GTF2E1: variants seen among roughly 807,000 people sequenced by gnomAD.
GTF2E1 encodes the protein TFIIE alpha subunit.
A neutral mutation model predicts 34.9 loss-of-function variants in GTF2E1; 14 were observed. The observed-to-expected ratio is 0.40, with a 90% CI of 0.27 to 0.63. The LOEUF (loss-of-function observed/expected upper bound fraction) is 0.63, where lower values mean the gene tolerates loss of function less well. Among genes scored for constraint, GTF2E1 ranks in the 20% least tolerant of loss-of-function variants. The probability of loss-of-function intolerance (pLI) is 0.39; values close to 1 mark genes in which losing one functional copy is unlikely to be tolerated. For missense variants in GTF2E1, 469 were observed against 557.7 expected (o/e 0.84, Z 1.60); for synonymous variants, 188 against 192.9 (o/e 0.97, Z 0.21).
rs754991941 is a variant in GTF2E1, at chr3:120,781,117, C to A, written c.967C>A (p.Arg323=). 2.5e-6 allele frequency: 4 copies of A among 1,613,782 alleles called. No individual in the cohort carries two copies. Among genetic ancestry groups the A allele is most frequent in the Admixed American group, 3.3e-5 (2 of 59,990 alleles). Residue 323 remains arginine, a synonymous_variant, in exon 5 of 5, where the codon CGA becomes AGA. Transcript: ENST00000283875. ...GCCTGATGACAACGAAGAGGTCATG[C>A]GAGCACTGCTCATTCACGAGAAAAA... The part of the protein sequence containing the change: ...AGPDDNEEVM[R]ALLIHEKKTS...
chr3:120,758,338 T>A (rs574055708), intron 2 of GTF2E1, among the ~76,000 whole-genome samples: 1 of 152,312 alleles, frequency 6.6e-6, no homozygotes, highest in African/African-American at 2.4e-5. Context: ...CTTCCAGTCC[T>A]GTTACCTTGT....
rs552309260 is a variant in GTF2E1 at position 120,771,973 on chromosome 3, A to T, written c.650+1044A>T. ...GAAGTAGTACAGTTCAAAACTGGTT[A>T]ATTTCACAGCTCAATTATATCTTCA... is the stretch of plus-strand genomic sequence containing the variant. On this transcript the variant is annotated intron_variant, in intron 3 of 4. Transcript: ENST00000283875. Among the ~76,000 whole-genome samples the T allele has an allele frequency of 4.6e-5, 7 of 152,276 alleles. No individual in the cohort carries two copies. In the South Asian group the frequency reaches 1.5e-3, roughly 32 times the overall value.
At chr3:120,749,602 G>A (rs1709144559) in intron 1 of GTF2E1, 1 of 152,176 alleles carries the variant, frequency 6.6e-6, no homozygotes, top group Non-Finnish European at 1.5e-5. Flanking sequence ...CAGGGATGAA[G>A]CCCACTTGAT....
Position 120,781,994 on chromosome 3 carries a change from C to CT in GTF2E1, c.*525dup, listed in dbSNP as rs1248545838. The CT allele has an allele frequency of 6.5e-6, 1 of 153,770 alleles. No homozygotes were observed. Among genetic ancestry groups the CT allele is most frequent in the African/African-American group, 2.4e-5 (1 of 41,516 alleles). 9.5% of individuals were successfully genotyped at this position (153,770 alleles called of 1,614,324 possible). ...CTCCCAAAGTGCTGTATTTTCTTAT[C>CT]TGATTTTTTTCTTGCCTTATTAAGA... On this transcript the variant is annotated 3_prime_UTR_variant, in exon 5 of 5. Transcript: ENST00000283875.
At chr3:120,771,770 C>T (rs1709353478) in intron 3 of GTF2E1, among the ~76,000 whole-genome samples, 1 of 152,132 alleles carries the variant, frequency 6.6e-6, no homozygotes, top group South Asian at 2.1e-4. Flanking sequence ...TCAAAGCAAT[C>T]CAATTCTACA....
At chr3:120,752,760 A>G (rs1709176328) in intron 2 of GTF2E1, among the ~76,000 whole-genome samples, 1 of 152,190 alleles carries the variant, frequency 6.6e-6, no homozygotes, top group Non-Finnish European at 1.5e-5. Context: ...CTAAAACTGA[A>G]ACAATTGTGT....
chr3:120,776,349 C>G (rs980116869), intron 3 of GTF2E1, 74 bp from the exon 4 acceptor site: 2 of 1,370,074 alleles, frequency 1.5e-6, no homozygotes, highest in Non-Finnish European at 2.0e-6. Flanking sequence ...AATTGCCTCC[C>G]TAGCTGCCCT....
At chr3:120,760,897 G>T (rs1439292847) in intron 2 of GTF2E1, among the ~76,000 whole-genome samples, 1 of 152,038 alleles carries the variant, frequency 6.6e-6, no homozygotes, top group East Asian at 1.9e-4. Flanking sequence ...TTTTTTTGTT[G>T]TGTCTCTACC....
At position 120,781,323 on chromosome 3, in the gene GTF2E1, A is replaced by G; in HGVS notation, c.1173A>G (p.Ala391=). 6.8e-6 allele frequency: 11 copies of G among 1,614,196 alleles called. No homozygotes were observed. Among genetic ancestry groups the G allele is most frequent in the Non-Finnish European group, 9.3e-6 (11 of 1,180,030 alleles). Residue 391 remains alanine, a synonymous_variant, in exon 5 of 5, where the codon GCA becomes GCG. Transcript: ENST00000283875. ...AAGATGACGAGTTTGAAGAAGTAGC[A>G]GATGACCCCATTGTCATGGTGGCTG... The part of the protein sequence containing the change: ...EEEDDEFEEV[A]DDPIVMVAGR...
chr3:120,760,088 A>G (rs1455698596), intron 2 of GTF2E1, among the ~76,000 whole-genome samples: 1 of 151,994 alleles, frequency 6.6e-6, no homozygotes, highest in Non-Finnish European at 1.5e-5. Flanking sequence ...ATGTTCTTCC[A>G]TTTGTGTCCT....
chr3:120,775,920 GT>G, intron 3 of GTF2E1, among the ~76,000 whole-genome samples: 1 of 152,292 alleles, frequency 6.6e-6, no homozygotes, highest in Admixed American at 6.5e-5. Flanking sequence ...TTGTAGAATA[GT>G]TTTCTAGCTT....
At chr3:120,776,050 C>T (rs1709396019) in intron 3 of GTF2E1, among the ~76,000 whole-genome samples, 1 of 152,078 alleles carries the variant, frequency 6.6e-6, no homozygotes, top group Non-Finnish European at 1.5e-5. Flanking sequence ...GTTTTTTAAA[C>T]AAAATACTGG....
At chr3:120,756,342 A>C (rs139923510) in intron 2 of GTF2E1, among the ~76,000 whole-genome samples, 225 of 152,220 alleles carry the variant, frequency 1.5e-3, no homozygotes, top group African/African-American at 4.9e-3. Context: ...ACACAAACAC[A>C]AAAAGAAATC....
intron 3 of GTF2E1, among the ~76,000 whole-genome samples, chr3:120,772,759 T>C (rs1709364084): frequency 6.6e-6 from 1 of 152,170 alleles, no homozygotes; most frequent in South Asian, 2.1e-4. Flanking sequence ...ATCAAGATGC[T>C]TCCCCACTAC....
intron 4 of GTF2E1, among the ~76,000 whole-genome samples, chr3:120,777,147 A>G (rs1709408044): frequency 6.6e-6 from 1 of 152,220 alleles, no homozygotes; most frequent in Admixed American, 6.5e-5. Flanking sequence ...CTCACAGTCC[A>G]AGACGGTTAG....
intron 2 of GTF2E1, among the ~76,000 whole-genome samples, chr3:120,767,270 G>A (rs1421706001): frequency 6.6e-6 from 1 of 152,124 alleles, no homozygotes; most frequent in Non-Finnish European, 1.5e-5. Flanking sequence ...TTTCAAGGAT[G>A]TTTATATAAC....
chr3:120,752,232 G>C (rs1273313674), intron 2 of GTF2E1, among the ~76,000 whole-genome samples: 1 of 152,170 alleles, frequency 6.6e-6, no homozygotes, highest in Non-Finnish European at 1.5e-5. Flanking sequence ...TTGATTATAA[G>C]AAAGTCTTAA....
chr3:120,773,984 T>C (rs936071044), intron 3 of GTF2E1, among the ~76,000 whole-genome samples: 4 of 152,208 alleles, frequency 2.6e-5, no homozygotes, highest in African/African-American at 9.6e-5. Context: ...GTACTCCTCA[T>C]ACCTTCATAA....
chr3:120,751,067 C>A, intron 2 of GTF2E1, 67 bp downstream of exon 2: 2 of 967,996 alleles, frequency 2.1e-6, no homozygotes, highest in South Asian at 1.6e-5. Flanking sequence ...TAAATTGATT[C>A]ATCTAATTTT....
Sources: gnomAD v4.1 joint callset for allele counts (sites outside exome capture counted in the v4.1 genomes callset) on GRCh38, gnomAD v4.1.1 for gene constraint, MANE v1.5 for transcripts, NCBI Gene and HGNC (gene_info 2026-07-23, HGNC 2026-07-21) for gene names.